Variants in TOGARAM1 observed in about 807,000 individuals in gnomAD.
TOGARAM1 encodes TOG array regulator of axonemal microtubules protein 1.
A neutral mutation model predicts 166.6 loss-of-function variants in TOGARAM1; 100 were observed. The observed-to-expected ratio is 0.60, with a 90% confidence interval of 0.51 to 0.71. The LOEUF (loss-of-function observed/expected upper bound fraction) is 0.71. TOGARAM1 is among the 30% of genes least tolerant of loss of function. The pLI, the probability that TOGARAM1 is intolerant of heterozygous loss-of-function variation, is 0.00. For missense variants in TOGARAM1, 2,029 were observed against 2,102.7 expected, an observed-to-expected ratio of 0.96 and a Z score of 0.69; for synonymous variants, 758 against 763.8, an observed-to-expected ratio of 0.99 and a Z score of 0.13.
In TOGARAM1 at chr14:45,032,395, A is replaced by T. The variant is rs767487155; in HGVS notation, c.3812+19A>T. On this transcript the variant is annotated intron_variant, in intron 11 of 19. Transcript: ENST00000361462. ...AGGATTGGTAAGTTCACCATCCTTA[A>T]CTTAAAACTAAGCAGAGTTCAAAAG... 1 of 1,600,200 alleles carries T rather than the reference A, an allele frequency of 6.2e-7. No individual in the cohort carries two copies. The highest frequency in any genetic ancestry group is 8.5e-7 in the Non-Finnish European group (1 of 1,175,154).
At chr14:45,057,573 A>C (rs1470581660) in intron 16 of TOGARAM1, among the ~76,000 whole-genome samples, 1 of 151,834 alleles carries the variant, frequency 6.6e-6, no homozygotes, top group African/African-American at 2.4e-5. Context: ...TACTTTTTTC[A>C]TGTAGGCATT....
At chr14:45,055,448 G>C (rs544607005) in intron 16 of TOGARAM1, among the ~76,000 whole-genome samples, 1 of 152,056 alleles carries the variant, frequency 6.6e-6, no homozygotes, top group Non-Finnish European at 1.5e-5. Context: ...GGGTTTTATA[G>C]CCTTATCGTG....
chr14:45,021,656 C>T (rs1221881181), intron 7 of TOGARAM1, among the ~76,000 whole-genome samples: 2 of 152,114 alleles, frequency 1.3e-5, no homozygotes, highest in Non-Finnish European at 2.9e-5. Flanking sequence ...GTATCCTAGA[C>T]TCCACTCCAG....
intron 16 of TOGARAM1, among the ~76,000 whole-genome samples, chr14:45,056,800 A>T (rs1882660167): frequency 2.6e-5 from 4 of 151,740 alleles, no homozygotes; most frequent in Admixed American, 1.3e-4. Context: ...TTTTTAGGGG[A>T]TGTTAGTCTG....
chr14:44,997,735 C>T (rs553779980), intron 2 of TOGARAM1, among the ~76,000 whole-genome samples: 19 of 150,180 alleles, frequency 1.3e-4, no homozygotes, highest in African/African-American at 3.4e-4. Context: ...TGAGGCCGGG[C>T]GCTGTGTCTC....
intron 1 of TOGARAM1, among the ~76,000 whole-genome samples, chr14:44,990,748 G>C (rs1461342140): frequency 6.6e-6 from 1 of 152,148 alleles, no homozygotes; most frequent in African/African-American, 2.4e-5. Flanking sequence ...GACGGCTACA[G>C]AGAGTTCAGT....
At chr14:45,045,599 GTGTGTGTGTGTGTGTGTGTATA>G (rs1881990416) in intron 13 of TOGARAM1, among the ~76,000 whole-genome samples, 1 of 74,380 alleles carries the variant, frequency 1.3e-5, no homozygotes, top group African/African-American at 7.4e-5. Context: ...GTGTGTGTGT[GTGTGTGTGTGTGTGTGTGTATA>G]TATATGTATA....
At chr14:44,990,800 A>T (rs201618228) in intron 1 of TOGARAM1, among the ~76,000 whole-genome samples, 18 of 151,548 alleles carry the variant, frequency 1.2e-4, no homozygotes, top group Middle Eastern at 3.2e-3. Flanking sequence ...CAGATATTTT[A>T]AAAAAAACAC....
chr14:45,073,726 A>G lies in TOGARAM1; in HGVS notation c.*165A>G, dbSNP rs756284978. On this transcript the variant is annotated 3_prime_UTR_variant, in exon 20 of 20. Coordinates refer to ENST00000361462, the MANE Select transcript of TOGARAM1 (RefSeq NM_001308120.2). ...TACACATCTGTCCTATATCAACCTT[A>G]CCACTTATATTCATCACATAAAAAC... The G allele has an allele frequency of 1.9e-5, 11 of 567,136 alleles. No homozygotes were observed. The highest frequency in any genetic ancestry group is 7.0e-5 in the Admixed American group (2 of 28,412). The allele number at this position is 567,136 out of a possible 1,614,324, so 35.1% of individuals were successfully genotyped here.
In TOGARAM1 at chr14:45,044,860, G is replaced by A. The variant is rs1881908340; in HGVS notation, c.4144G>A (p.Gly1382Ser). The A allele has an allele frequency of 1.2e-6, 2 of 1,606,516 alleles. No individual in the cohort carries two copies. The highest frequency in any genetic ancestry group is 1.3e-5 in the African/African-American group (1 of 74,592). Reference protein sequence around the residue: ...PARAVVSLINGGQSHLHIAVR... With the variant: ...PARAVVSLINSGQSHLHIAVR... ...ACGTGCAGTTGTTTCTCTTATCAAT[G>A]GTGGACAAAGGTAATGTTCAAAATA... Residue 1382 changes from glycine to serine, a missense_variant, in exon 13 of 20, where the codon GGT becomes AGT. This residue lies in a region of TOGARAM1 where 576 missense variants were observed against 670.5 expected (regional missense o/e 0.86). Transcript: ENST00000361462.
At chr14:45,052,687 A>G (rs964750011) in intron 15 of TOGARAM1, 125 bp downstream of exon 15, 20 of 796,336 alleles carry the variant, frequency 2.5e-5, no homozygotes, top group Non-Finnish European at 3.4e-5. Flanking sequence ...CTATTGGACT[A>G]TATCTGCAAT....
At chr14:44,975,516 G>C (rs1280469220) in intron 1 of TOGARAM1, among the ~76,000 whole-genome samples, 1 of 152,060 alleles carries the variant, frequency 6.6e-6, no homozygotes. Flanking sequence ...GCCCAGGCTG[G>C]AGTGCAGTGG....
intron 16 of TOGARAM1, among the ~76,000 whole-genome samples, chr14:45,062,239 T>C (rs1434123823): frequency 1.3e-5 from 2 of 152,132 alleles, no homozygotes; most frequent in African/African-American, 4.8e-5. Context: ...CCAATGTATT[T>C]GTGGATTTAT....
rs377496566 is a variant in TOGARAM1, at chr14:44,973,365, T to C, written c.2046+8898T>C. On this transcript the variant is annotated intron_variant, in intron 1 of 19. Transcript: ENST00000361462. The stretch of plus-strand genomic sequence containing the variant: ...CTTCACAGGTAACCCAAGTACCTTA[T>C]AATAACAGAATATTTGTAATTTCTT... Among the ~76,000 whole-genome samples, 45 of 152,072 alleles carry C rather than the reference T, an allele frequency of 3.0e-4. No individual in the cohort carries two copies. The East Asian group carries it at 6.0e-3, about 20-fold the overall frequency.
chr14:44,974,274 A>G (rs773136519), intron 1 of TOGARAM1, among the ~76,000 whole-genome samples: 2 of 151,792 alleles, frequency 1.3e-5, no homozygotes, highest in Non-Finnish European at 2.9e-5. Context: ...TTCCCCAGCT[A>G]TGTCCAGTTT....
At chr14:44,990,101 A>G (rs562171687) in intron 1 of TOGARAM1, among the ~76,000 whole-genome samples, 1 of 152,322 alleles carries the variant, frequency 6.6e-6, no homozygotes, top group South Asian at 2.1e-4. Context: ...GAGGATTACA[A>G]TTCAAGACAA....
chr14:45,066,373 T>TAG lies in TOGARAM1; in HGVS notation c.4560-204_4560-203insGA, dbSNP rs200216514. ...ATGAGTAAAAGTATAGGCTAACTCT[T>TAG]ACGAGTCTTCCTAGCAAATATCCAA... On this transcript the variant is annotated intron_variant, in intron 16 of 19. Coordinates refer to ENST00000361462, the MANE Select transcript of TOGARAM1 (RefSeq NM_001308120.2). Among the ~76,000 whole-genome samples the TAG allele has an allele frequency of 5.5e-4, 84 of 152,242 alleles. No homozygotes were observed. The East Asian group carries it at 0.01, about 19-fold the overall frequency.
chr14:44,967,683 C>A (rs1363196110), intron 1 of TOGARAM1, among the ~76,000 whole-genome samples: 1 of 152,020 alleles, frequency 6.6e-6, no homozygotes, highest in Non-Finnish European at 1.5e-5. Context: ...ACACAAGGGG[C>A]CTAGTGGGAA....
Position 45,046,619 on chromosome 14 carries a change from G to C in TOGARAM1, c.4229G>C (p.Arg1410Pro). 1 of 1,419,516 alleles carries C rather than the reference G, an allele frequency of 7.0e-7. No homozygotes were observed. Among genetic ancestry groups the C allele is most frequent in the South Asian group, 1.7e-5 (1 of 59,420 alleles). 87.9% of individuals were successfully genotyped at this position (1,419,516 alleles called of 1,614,324 possible). A position where few individuals can be genotyped will look rare whatever the true frequency, so the allele number is the denominator to read the frequency against. Residue 1410 changes from arginine to proline, a missense_variant, in exon 14 of 20, where the codon CGT (arginine) becomes CCT (proline). Around this residue, in one of 2 missense-constraint regions of TOGARAM1, gnomAD observed 576 missense variants for 670.5 expected, o/e 0.86. Coordinates refer to ENST00000361462, the MANE Select transcript of TOGARAM1 (RefSeq NM_001308120.2). ...SDVLEFMEPE[R>P]ILSAAKDMAE... ...GTATTGGAATTTATGGAACCAGAAC[G>C]TATTTTATCTGCAGCAAAGGATATG...
Sources: gnomAD v4.1 joint callset for allele counts (sites outside exome capture counted in the v4.1 genomes callset) on GRCh38, gnomAD v4.1.1 for gene constraint, gnomAD v4.1.1 regional missense constraint, MANE v1.5 for transcripts, NCBI Gene and HGNC (gene_info 2026-07-23, HGNC 2026-07-21) for gene names.